The following DESI2 variants were observed in gnomAD, a reference collection of about 807,000 sequenced individuals.
DESI2 encodes deubiquitinase DESI2.
Under a neutral mutation model 24.1 loss-of-function variants are expected in DESI2, and 10 were observed. The observed-to-expected ratio is 0.41, with a 90% CI of 0.26 to 0.70. The LOEUF (loss-of-function observed/expected upper bound fraction) is 0.70, where lower values mean the gene tolerates loss of function less well. Ranked by LOEUF, DESI2 falls within the 30% of genes least tolerant of loss-of-function variation. The pLI is 0.29. For synonymous variants in DESI2, 71 were observed against 87.7 expected (o/e 0.81, Z 1.06); for missense variants, 122 against 234.9 (o/e 0.52, Z 3.14).
chr1:244,653,448 T>C, intron 1 of DESI2, 93 bp downstream of exon 1: 1 of 1,334,576 alleles, frequency 7.5e-7, no homozygotes, highest in Non-Finnish European at 1.0e-6. Flanking sequence ...GCTTCCTGCC[T>C]GGCGTCTCCG....
intron 4 of DESI2, among the ~76,000 whole-genome samples, chr1:244,703,866 G>A (rs1320933463): frequency 6.6e-6 from 1 of 152,026 alleles, no homozygotes; most frequent in Admixed American, 6.6e-5. Flanking sequence ...CACTGTGTTA[G>A]CCAGGATGGT....
intron 4 of DESI2, chr1:244,694,725 C>A: frequency 1.5e-6 from 1 of 672,540 alleles, no homozygotes; most frequent in East Asian, 2.6e-5. Flanking sequence ...CGTCACCTTG[C>A]TTCTGTGGCT....
In DESI2 at chr1:244,670,185, G is replaced by A. The variant is rs549866149; in HGVS notation, c.43-16412G>A. Among the ~76,000 whole-genome samples, 16 of 152,302 alleles carry A rather than the reference G, an allele frequency of 1.1e-4. No individual in the cohort carries two copies. The South Asian group carries it at 2.9e-3, about 28-fold the overall frequency. On this transcript the variant is annotated intron_variant, in intron 1 of 4. Transcript: ENST00000302550. ...TTGGTCAGGCTGGTCTTGAACTCCT[G>A]ACCGCAAGTGATCCACCTGCCTCGG...
Position 244,664,020 on chromosome 1 carries a change from GAAAAAAA to G in DESI2, c.42+10683_42+10689del, listed in dbSNP as rs34195856. ...GCGACAGAGTGAGACTCCGTCTCAG[GAAAAAAA>G]AAAAAAAAAAAAAAAAATTATTTAA... is the stretch of plus-strand genomic sequence containing the variant. On this transcript the variant is annotated intron_variant, in intron 1 of 4. Coordinates refer to ENST00000302550, the MANE Select transcript of DESI2 (RefSeq NM_016076.5). Among the ~76,000 whole-genome samples, 40 of 89,374 alleles carry G rather than the reference GAAAAAAA, an allele frequency of 4.5e-4. 1 individual carries two copies. Among genetic ancestry groups the G allele is most frequent in the Middle Eastern group, 7.6e-3 (1 of 132 alleles). The allele number at this position is 89,374 out of a possible 152,430, so 58.6% of individuals were successfully genotyped here.
chr1:244,693,435 C>G (rs886645601), intron 4 of DESI2, among the ~76,000 whole-genome samples: 1 of 146,798 alleles, frequency 6.8e-6, no homozygotes, highest in East Asian at 2.0e-4. Context: ...ATTGTTTGTT[C>G]TTTTTTTTTT....
At chr1:244,655,947 A>C (rs1233070871) in intron 1 of DESI2, among the ~76,000 whole-genome samples, 1 of 152,180 alleles carries the variant, frequency 6.6e-6, no homozygotes, top group Non-Finnish European at 1.5e-5. Context: ...GTTTTCATGG[A>C]GGGGAACAGT....
chr1:244,672,584 A>G (rs981105176), intron 1 of DESI2, among the ~76,000 whole-genome samples: 2 of 152,212 alleles, frequency 1.3e-5, no homozygotes, highest in African/African-American at 4.8e-5. Flanking sequence ...GATTTCAAAA[A>G]TTAATAGCAG....
chr1:244,675,920 A>G (rs1404882512), intron 1 of DESI2, among the ~76,000 whole-genome samples: 1 of 152,092 alleles, frequency 6.6e-6, no homozygotes, highest in Non-Finnish European at 1.5e-5. Flanking sequence ...CTTTCCATTT[A>G]TTTAGGTCTT....
intron 1 of DESI2, among the ~76,000 whole-genome samples, chr1:244,675,157 C>T (rs1024009217): frequency 6.6e-6 from 1 of 152,028 alleles, no homozygotes; most frequent in Non-Finnish European, 1.5e-5. Flanking sequence ...TTATGTGTCT[C>T]GTTGAGTTCT....
chr1:244,686,237 A>T (rs1676813531), intron 1 of DESI2, among the ~76,000 whole-genome samples: 1 of 150,974 alleles, frequency 6.6e-6, no homozygotes, highest in African/African-American at 2.4e-5. Context: ...AAAAATAGAT[A>T]TGAAAGCACA....
chr1:244,664,405 C>T lies in DESI2; in HGVS notation c.42+11050C>T, dbSNP rs556750817. On this transcript the variant is annotated intron_variant, in intron 1 of 4. Coordinates refer to ENST00000302550, the MANE Select transcript of DESI2 (RefSeq NM_016076.5). The stretch of plus-strand genomic sequence containing the variant: ...CCTACAGGGAAAAGAGCAACGAAGA[C>T]GTAATCCATATGGTGTAATAGAAAA... 1.8e-4 allele frequency among the ~76,000 whole-genome samples: 27 copies of T among 152,212 alleles called. No individual in the cohort carries two copies. The South Asian group carries it at 4.8e-3, about 27-fold the overall frequency.
At chr1:244,682,061 T>G (rs973778889) in intron 1 of DESI2, among the ~76,000 whole-genome samples, 4 of 152,150 alleles carry the variant, frequency 2.6e-5, no homozygotes, top group African/African-American at 9.7e-5. Context: ...TGCAGACCCT[T>G]GTGGTCAGTG....
At position 244,663,814 on chromosome 1, in the gene DESI2, C is replaced by T. The variant is rs186982034; in HGVS notation, c.42+10459C>T. ...TGGACGGATCATGAGGTCAGGAGAT[C>T]GAGACCATCCTGGCTAACACGGTGA... On this transcript the variant is annotated intron_variant, in intron 1 of 4. Transcript: ENST00000302550. 9.9e-5 allele frequency among the ~76,000 whole-genome samples: 15 copies of T among 151,588 alleles called. 1 individual carries two copies. Among genetic ancestry groups the T allele is most frequent in the African/African-American group, 3.4e-4 (14 of 41,290 alleles).
chr1:244,681,508 G>T (rs1676612956), intron 1 of DESI2, among the ~76,000 whole-genome samples: 1 of 152,068 alleles, frequency 6.6e-6, no homozygotes, highest in Non-Finnish European at 1.5e-5. Context: ...GAGGGAGGAT[G>T]GTTTCAAGAT....
At chr1:244,661,160 A>G (rs1675826186) in intron 1 of DESI2, among the ~76,000 whole-genome samples, 1 of 152,214 alleles carries the variant, frequency 6.6e-6, no homozygotes, top group Admixed American at 6.5e-5. Flanking sequence ...TACCCACTAA[A>G]CAACAACTCC....
chr1:244,684,999 A>G (rs1047359367), intron 1 of DESI2, among the ~76,000 whole-genome samples: 3 of 152,176 alleles, frequency 2.0e-5, no homozygotes, highest in African/African-American at 7.2e-5. Context: ...TTGCCATCCA[A>G]ATTCTGGCTC....
intron 4 of DESI2, among the ~76,000 whole-genome samples, chr1:244,696,933 T>C (rs1443627340): frequency 1.3e-5 from 2 of 152,208 alleles, no homozygotes; most frequent in South Asian, 2.1e-4. Context: ...GTTCTGAGTC[T>C]GTAATGATCT....
In DESI2 at chr1:244,708,196, G is replaced by A. The variant is rs1478477728; in HGVS notation, c.*2407G>A. ...CTGGTCATTAACATACATATGATAC[G>A]GAGTCTCTTTGTTGTCACCAAGTGA... is the stretch of plus-strand genomic sequence containing the variant. On this transcript the variant is annotated 3_prime_UTR_variant, in exon 5 of 5. Transcript: ENST00000302550. 6.6e-6 allele frequency: 1 copy of A among 152,288 alleles called. No homozygotes were observed. The highest frequency in any genetic ancestry group is 1.5e-5 in the Non-Finnish European group (1 of 68,046). 9.4% of individuals were successfully genotyped at this position (152,288 alleles called of 1,614,324 possible). A position where few individuals can be genotyped will look rare whatever the true frequency, so the allele number is the denominator to read the frequency against.
At chr1:244,660,757 C>A (rs1675813603) in intron 1 of DESI2, among the ~76,000 whole-genome samples, 1 of 152,136 alleles carries the variant, frequency 6.6e-6, no homozygotes, top group African/African-American at 2.4e-5. Flanking sequence ...AACTAATTGG[C>A]CCCACATTAT....
Sources: gnomAD v4.1 joint callset for allele counts (sites outside exome capture counted in the v4.1 genomes callset) on GRCh38, gnomAD v4.1.1 for gene constraint, MANE v1.5 for transcripts, NCBI Gene and HGNC (gene_info 2026-07-23, HGNC 2026-07-21) for gene names.